MAF: variants seen among roughly 807,000 people sequenced by gnomAD.
MAF encodes the protein transcription factor Maf.
In MAF, 10 loss-of-function variants were observed where a neutral mutation model predicts 22.0. The observed-to-expected ratio is 0.45, with a 90% CI of 0.28 to 0.77. The LOEUF is 0.77. Among genes scored for constraint, MAF ranks in the 30% least tolerant of loss-of-function variants. MAF has a pLI of 0.12. For missense variants in MAF, 544 were observed against 548.4 expected (o/e 0.99, Z 0.08); for synonymous variants, 337 against 255.8 (o/e 1.32, Z -3.03).
chr16:79,573,761 T>C, the MAF span, among the ~76,000 whole-genome samples: 2 of 152,182 alleles, frequency 1.3e-5, no homozygotes, highest in Non-Finnish European at 2.9e-5. Flanking sequence ...ATAGCACTAG[T>C]GCAGACTACA....
At chr16:79,495,804 C>T in the MAF span, among the ~76,000 whole-genome samples, 14 of 152,244 alleles carry the variant, frequency 9.2e-5, no homozygotes, top group African/African-American at 2.9e-4. Context: ...CTGGTCCATT[C>T]GTTCAACAAA....
the MAF span, among the ~76,000 whole-genome samples, chr16:79,571,554 T>TTTTTTTTTTTTTTTTTTTTC: frequency 1.4e-5 from 2 of 139,790 alleles, 1 homozygote. Context: ...TTTTTTTTTT[T>TTTTTTTTTTTTTTTTTTTTC]ACAAATGCAC....
the MAF span, among the ~76,000 whole-genome samples, chr16:79,537,759 G>C: frequency 3.9e-5 from 6 of 152,136 alleles, no homozygotes; most frequent in Non-Finnish European, 8.8e-5. Flanking sequence ...GTGCCAATGA[G>C]ACAGCTGTTA....
the MAF span, among the ~76,000 whole-genome samples, chr16:79,275,104 C>T: frequency 1.3e-5 from 2 of 152,136 alleles, no homozygotes; most frequent in Non-Finnish European, 2.9e-5. Context: ...GCCTGTAATC[C>T]CAGCACTTTG....
chr16:79,459,380 C>G, the MAF span, among the ~76,000 whole-genome samples: 1 of 152,136 alleles, frequency 6.6e-6, no homozygotes, highest in Non-Finnish European at 1.5e-5. Flanking sequence ...AAATGCTGCC[C>G]TTGTGGAGCC....
the MAF span, among the ~76,000 whole-genome samples, chr16:79,378,308 G>A: frequency 6.6e-6 from 1 of 152,106 alleles, no homozygotes; most frequent in Non-Finnish European, 1.5e-5. Flanking sequence ...GACTTACTAT[G>A]CAACAGCATA....
At chr16:79,573,795 A>G in the MAF span, among the ~76,000 whole-genome samples, 1 of 152,252 alleles carries the variant, frequency 6.6e-6, no homozygotes, top group Non-Finnish European at 1.5e-5. Context: ...CCAGGAAAGG[A>G]AACTTAGTCT....
At chr16:79,408,024 C>G in the MAF span, among the ~76,000 whole-genome samples, 1 of 133,610 alleles carries the variant, frequency 7.5e-6, no homozygotes, top group Non-Finnish European at 1.5e-5. Context: ...CATGAAGAGG[C>G]GGGCGCCATA....
At chr16:79,502,749 A>ATATATT in the MAF span, among the ~76,000 whole-genome samples, 1 of 120,570 alleles carries the variant, frequency 8.3e-6, no homozygotes, top group Admixed American at 8.2e-5. Context: ...ATATATATAT[A>ATATATT]TATATAAAGA....
intron 1 of MAF, chr16:79,597,375 TAAAAC>T (rs1395085106): frequency 9.7e-6 from 10 of 1,036,232 alleles, no homozygotes; most frequent in Admixed American, 5.6e-5. Context: ...AAAATAAAAA[TAAAAC>T]AAACCAAAAA....
chr16:79,332,343 C>G, the MAF span, among the ~76,000 whole-genome samples: 2 of 152,028 alleles, frequency 1.3e-5, no homozygotes, highest in Admixed American at 1.3e-4. Flanking sequence ...CTCTGTTGTC[C>G]AGCCTGGTGT....
chr16:79,280,675 G>A, the MAF span, among the ~76,000 whole-genome samples: 1 of 152,092 alleles, frequency 6.6e-6, no homozygotes, highest in East Asian at 1.9e-4. Flanking sequence ...GGGCCCCTGT[G>A]GGCTCAGGGT....
At chr16:79,559,742 A>G in the MAF span, among the ~76,000 whole-genome samples, 1 of 152,140 alleles carries the variant, frequency 6.6e-6, no homozygotes, top group Admixed American at 6.5e-5. Context: ...ATGATGCTAT[A>G]TTTCACTCTA....
At chr16:79,357,266 A>T in the MAF span, among the ~76,000 whole-genome samples, 36 of 134,444 alleles carry the variant, frequency 2.7e-4, no homozygotes, top group South Asian at 9.8e-4. Flanking sequence ...AACAACAACA[A>T]CAACAACAAC....
the MAF span, among the ~76,000 whole-genome samples, chr16:79,239,741 A>C: frequency 6.6e-6 from 1 of 152,046 alleles, no homozygotes; most frequent in Non-Finnish European, 1.5e-5. Flanking sequence ...TTTATTGCTG[A>C]AATCCCCAGA....
At chr16:79,421,600 G>A in the MAF span, among the ~76,000 whole-genome samples, 1 of 151,918 alleles carries the variant, frequency 6.6e-6, no homozygotes, top group African/African-American at 2.4e-5. Context: ...AACCAGGCCG[G>A]AGAAAAGGGA....
At chr16:79,391,280 G>A in the MAF span, among the ~76,000 whole-genome samples, 1 of 152,180 alleles carries the variant, frequency 6.6e-6, no homozygotes, top group African/African-American at 2.4e-5. Context: ...GCAGCATTAA[G>A]AAGCTATGGA....
chr16:79,449,977 G>C, the MAF span, among the ~76,000 whole-genome samples: 1 of 152,206 alleles, frequency 6.6e-6, no homozygotes, highest in African/African-American at 2.4e-5. Flanking sequence ...TTTCAGAATA[G>C]TTTGGAATTG....
the MAF span, among the ~76,000 whole-genome samples, chr16:79,498,187 A>G: frequency 4.6e-5 from 7 of 152,176 alleles, no homozygotes; most frequent in African/African-American, 1.7e-4. Context: ...ACACTTGCTA[A>G]GTATAACCAT....
Sources: gnomAD v4.1 joint callset for allele counts (sites outside exome capture counted in the v4.1 genomes callset) on GRCh38, gnomAD v4.1.1 for gene constraint, MANE v1.5 for transcripts, NCBI Gene and HGNC (gene_info 2026-07-23, HGNC 2026-07-21) for gene names.